DAB1: variants seen among roughly 807,000 people sequenced by gnomAD.
DAB1 encodes DAB adaptor protein 1, also known as disabled homolog 1.
A neutral mutation model predicts 64.6 loss-of-function variants in DAB1; 15 were observed. The ratio of observed to expected loss-of-function variants is 0.23; its 90% confidence interval spans 0.16 to 0.36. The LOEUF (loss-of-function observed/expected upper bound fraction) is 0.36, where lower values mean the gene tolerates loss of function less well. DAB1 is among the 10% of genes least tolerant of loss of function. The pLI, the probability that DAB1 is intolerant of heterozygous loss-of-function variation, is 1.00. For missense variants in DAB1, 596 were observed against 706.7 expected (o/e 0.84, Z 1.78); for synonymous variants, 235 against 251.9 (o/e 0.93, Z 0.64).
At chr1:57,741,674 C>T (rs902450969) in intron 6 of DAB1, among the ~76,000 whole-genome samples, 5 of 152,162 alleles carry the variant, frequency 3.3e-5, no homozygotes, top group Admixed American at 6.5e-5. Flanking sequence ...TGGAAATCTG[C>T]GTAGTATGCA....
chr1:57,179,437 G>A (rs1334542493), intron 2 of DAB1, among the ~76,000 whole-genome samples: 2 of 152,204 alleles, frequency 1.3e-5, no homozygotes, highest in East Asian at 3.9e-4. Context: ...CAATAGGTGA[G>A]AAGTCAATTT....
intron 2 of DAB1, among the ~76,000 whole-genome samples, chr1:57,186,181 A>G (rs1379483343): frequency 6.6e-6 from 1 of 152,116 alleles, no homozygotes; most frequent in Non-Finnish European, 1.5e-5. Flanking sequence ...ACTAAATCAA[A>G]CCTCTTTACT....
intron 4 of DAB1, among the ~76,000 whole-genome samples, chr1:58,262,152 C>T (rs531544567): frequency 3.3e-5 from 5 of 152,190 alleles, no homozygotes; most frequent in African/African-American, 7.2e-5. Flanking sequence ...TAGACTAAAA[C>T]GCAGTCCCCT....
chr1:57,641,654 T>A (rs1216613881), intron 7 of DAB1, among the ~76,000 whole-genome samples: 1 of 151,786 alleles, frequency 6.6e-6, no homozygotes, highest in Non-Finnish European at 1.5e-5. Flanking sequence ...AAAGTGCTGG[T>A]TCCTTTTTTT....
intron 1 of DAB1, among the ~76,000 whole-genome samples, chr1:57,846,279 G>A (rs1445325458): frequency 6.6e-6 from 1 of 152,002 alleles, no homozygotes. Flanking sequence ...CTAACATGGT[G>A]AAACCCCATC....
chr1:57,613,933 A>G (rs1645758492), intron 7 of DAB1, among the ~76,000 whole-genome samples: 1 of 152,218 alleles, frequency 6.6e-6, no homozygotes, highest in Non-Finnish European at 1.5e-5. Context: ...ATAGTGTTTC[A>G]TTTTCAGGTT....
chr1:58,407,382 C>T (rs924115906), intron 3 of DAB1, among the ~76,000 whole-genome samples: 1 of 152,214 alleles, frequency 6.6e-6, no homozygotes, highest in African/African-American at 2.4e-5. Context: ...CTGGCATCTA[C>T]TACAGTCCTA....
chr1:57,218,933 CT>C (rs1485809501), intron 2 of DAB1, among the ~76,000 whole-genome samples: 1 of 152,062 alleles, frequency 6.6e-6, no homozygotes, highest in African/African-American at 2.4e-5. Flanking sequence ...ACATCCTGCT[CT>C]GGTCTGGAAT....
chr1:57,191,360 T>C (rs1463054917), intron 2 of DAB1, among the ~76,000 whole-genome samples: 8 of 152,192 alleles, frequency 5.3e-5, no homozygotes, highest in Admixed American at 5.2e-4. Flanking sequence ...GATATTTCAA[T>C]GGACTTAACC....
chr1:58,268,460 G>A (rs1489154662), intron 4 of DAB1, among the ~76,000 whole-genome samples: 1 of 152,118 alleles, frequency 6.6e-6, no homozygotes, highest in Non-Finnish European at 1.5e-5. Flanking sequence ...TCTATGTGTG[G>A]CAGAAACATG....
intron 2 of DAB1, among the ~76,000 whole-genome samples, chr1:57,207,401 A>T (rs1054718214): frequency 2.6e-5 from 4 of 151,338 alleles, no homozygotes; most frequent in African/African-American, 7.3e-5. Flanking sequence ...GTTCATTTAT[A>T]AAAATGATAG....
intron 5 of DAB1, among the ~76,000 whole-genome samples, chr1:58,106,065 G>T (rs1324985723): frequency 7.1e-6 from 1 of 141,222 alleles, no homozygotes; most frequent in Non-Finnish European, 1.5e-5. Flanking sequence ...TGTTGTTTTG[G>T]TTTTTTGTTT....
At chr1:58,120,899 A>G (rs1350524438) in intron 5 of DAB1, among the ~76,000 whole-genome samples, 50 of 152,176 alleles carry the variant, frequency 3.3e-4, no homozygotes, top group Admixed American at 3.3e-3. Context: ...GATAGGATAT[A>G]ATTCCAATTT....
chr1:57,815,793 G>A (rs970044007), intron 6 of DAB1, among the ~76,000 whole-genome samples: 2 of 152,066 alleles, frequency 1.3e-5, no homozygotes, highest in African/African-American at 4.8e-5. Flanking sequence ...TGTGATATCT[G>A]GGTAAACGGT....
chr1:57,641,379 GT>G (rs34105483), intron 7 of DAB1, among the ~76,000 whole-genome samples: 341 of 109,976 alleles, frequency 3.1e-3, no homozygotes, highest in Middle Eastern at 5.9e-3. Context: ...TTTTTTGTTG[GT>G]TTTTTTTTTT....
At chr1:57,135,337 A>G (rs1193614034) in intron 4 of DAB1, among the ~76,000 whole-genome samples, 1 of 152,202 alleles carries the variant, frequency 6.6e-6, no homozygotes, top group Non-Finnish European at 1.5e-5. Flanking sequence ...AGTAATTCAT[A>G]TAAATGGTAT....
chr1:57,627,878 T>C (rs946233517), intron 7 of DAB1, among the ~76,000 whole-genome samples: 3 of 152,182 alleles, frequency 2.0e-5, no homozygotes, highest in African/African-American at 7.2e-5. Flanking sequence ...CAAGTCTCAG[T>C]GCCTAGTCCT....
At chr1:57,806,546 C>T (rs900685761) in intron 6 of DAB1, among the ~76,000 whole-genome samples, 3 of 152,310 alleles carry the variant, frequency 2.0e-5, no homozygotes, top group Admixed American at 6.5e-5. Context: ...TCCTCACTGC[C>T]CTCAAAAGAA....
At chr1:57,274,506 T>C (rs780348486) in intron 2 of DAB1, among the ~76,000 whole-genome samples, 3 of 152,186 alleles carry the variant, frequency 2.0e-5, no homozygotes, top group Non-Finnish European at 4.4e-5. Context: ...GCCATCACAA[T>C]AGTACCATAT....
Sources: allele counts gnomAD v4.1 joint callset (sites outside exome capture counted in the v4.1 genomes callset), GRCh38; gene constraint gnomAD v4.1.1; transcripts MANE v1.5; gene names NCBI Gene and HGNC (gene_info 2026-07-23, HGNC 2026-07-21).